TTC23L: variants seen among roughly 807,000 people sequenced by gnomAD.
TTC23L encodes the protein tetratricopeptide repeat domain 23 like, also known as tetratricopeptide repeat protein 23-like.
TTC23L carries 42 observed loss-of-function variants against 48.1 expected under a neutral mutation model. That is an observed-to-expected ratio of 0.87 (90% CI 0.68 to 1.13). The LOEUF (loss-of-function observed/expected upper bound fraction) is 1.13, where lower values mean the gene tolerates loss of function less well. TTC23L is among the 50% of genes most tolerant of loss of function. TTC23L has a pLI of 0.00. For synonymous variants in TTC23L, 159 were observed against 157.2 expected, an observed-to-expected ratio of 1.01 and a Z score of -0.09; for missense variants, 391 against 421.0, an observed-to-expected ratio of 0.93 and a Z score of 0.62.
At chr5:34,869,559 C>T (rs1209956824) in intron 8 of TTC23L, 1 of 162,118 alleles carries the variant, frequency 6.2e-6, no homozygotes, top group African/African-American at 2.4e-5. Flanking sequence ...TTGGGAGAGA[C>T]ACAAATGAAC....
the TTC23L span, chr5:34,919,892 G>T: frequency 9.2e-7 from 1 of 1,081,860 alleles, no homozygotes; most frequent in Non-Finnish European, 1.4e-6. Context: ...AGGTAATTTT[G>T]GAAAGTAATT....
At chr5:34,902,483 CA>C, downstream of TTC23L, 1 of 284,006 alleles carries the variant, frequency 3.5e-6, no homozygotes. Context: ...GTATCACTAT[CA>C]ACATCTATAT....
chr5:34,889,754 T>C (rs1348990420), intron 9 of TTC23L, among the ~76,000 whole-genome samples: 1 of 152,202 alleles, frequency 6.6e-6, no homozygotes, highest in Non-Finnish European at 1.5e-5. Flanking sequence ...TGTAGAAGTT[T>C]TTCCATTTCC....
At chr5:34,916,073 G>C in the TTC23L span, 2 of 677,220 alleles carry the variant, frequency 3.0e-6, no homozygotes, top group South Asian at 6.0e-5. Context: ...TAATCCTTGT[G>C]CACGTGGCCG....
intron 7 of TTC23L, chr5:34,867,977 G>C (rs1761191148): frequency 6.6e-6 from 1 of 152,164 alleles, no homozygotes; most frequent in South Asian, 2.1e-4. Context: ...ATAAATAGCA[G>C]TGTTTCCCAA....
At chr5:34,908,784 A>C in the TTC23L span, 1 of 1,602,808 alleles carries the variant, frequency 6.2e-7, no homozygotes, top group Non-Finnish European at 8.5e-7. Flanking sequence ...AGATTCAGGA[A>C]CTTCTTCATC....
intron 3 of TTC23L, 182 bp downstream of exon 3, chr5:34,845,855 A>G (rs994940208): frequency 1.3e-5 from 8 of 632,766 alleles, no homozygotes; most frequent in Non-Finnish European, 2.1e-5. Context: ...GGTTCCATGC[A>G]TGGTTCATTG....
chr5:34,862,600 C>A (rs189146940), intron 4 of TTC23L, among the ~76,000 whole-genome samples: 2 of 152,156 alleles, frequency 1.3e-5, no homozygotes, highest in Admixed American at 1.3e-4. Flanking sequence ...AACTGAGGTA[C>A]GAAGGCTAAT....
intron 9 of TTC23L, chr5:34,888,506 G>C (rs1762668974): frequency 9.1e-6 from 9 of 985,244 alleles, no homozygotes; most frequent in Non-Finnish European, 1.1e-5. Flanking sequence ...TAGAAGTAGG[G>C]AGACAAAGAG....
At chr5:34,904,545 G>T in the TTC23L span, among the ~76,000 whole-genome samples, 2 of 150,158 alleles carry the variant, frequency 1.3e-5, no homozygotes, top group African/African-American at 4.9e-5. Flanking sequence ...AGTGAACTGA[G>T]ATCGCACCAC....
the TTC23L span, chr5:34,906,390 G>A: frequency 6.6e-6 from 1 of 152,180 alleles, no homozygotes; most frequent in African/African-American, 2.4e-5. Context: ...TGTAATCCCA[G>A]CCCTTTGGGA....
chr5:34,880,067 G>T, intron 8 of TTC23L, 114 bp from the exon 9 acceptor site: 1 of 1,295,616 alleles, frequency 7.7e-7, no homozygotes, highest in Non-Finnish European at 1.1e-6. Flanking sequence ...TATGAGACCT[G>T]GCTTGAGAAC....
chr5:34,852,121 G>C (rs1172160932), intron 4 of TTC23L, among the ~76,000 whole-genome samples: 1 of 152,178 alleles, frequency 6.6e-6, no homozygotes, highest in East Asian at 1.9e-4. Flanking sequence ...CTGGCCTCAA[G>C]TGATCCTCCC....
the TTC23L span, chr5:34,923,131 A>C: frequency 6.2e-7 from 1 of 1,611,180 alleles, no homozygotes; most frequent in African/African-American, 1.3e-5. Context: ...TTTTTTAACT[A>C]GATCTTTAGT....
intron 3 of TTC23L, among the ~76,000 whole-genome samples, chr5:34,847,586 G>A (rs559715140): frequency 5.9e-5 from 9 of 151,858 alleles, no homozygotes; most frequent in East Asian, 1.9e-4. Flanking sequence ...TCTGGAGCCC[G>A]TATTGGTTGT....
chr5:34,855,054 G>C (rs1051805196), intron 4 of TTC23L, among the ~76,000 whole-genome samples: 1 of 152,204 alleles, frequency 6.6e-6, no homozygotes, highest in African/African-American at 2.4e-5. Flanking sequence ...GAAGAGGAAG[G>C]TGTGGGCCAA....
At chr5:34,869,113 T>C in intron 8 of TTC23L, 100 bp downstream of exon 8, 1 of 983,900 alleles carries the variant, frequency 1.0e-6, no homozygotes, top group East Asian at 2.7e-5. Flanking sequence ...TTTATTCCTG[T>C]AATGGAAAAA....
At chr5:34,909,491 C>T in the TTC23L span, 28,560 of 543,112 alleles carry the variant, frequency 0.053, 1,319 homozygotes, top group African/African-American at 0.16. Context: ...TTATAACACA[C>T]GATAACAAGT....
At chr5:34,920,560 T>C in the TTC23L span, 1 of 152,182 alleles carries the variant, frequency 6.6e-6, no homozygotes, top group Non-Finnish European at 1.5e-5. Flanking sequence ...TTATGGAACT[T>C]ACATTCTAAT....
Sources: allele counts gnomAD v4.1 joint callset (sites outside exome capture counted in the v4.1 genomes callset), GRCh38; gene constraint gnomAD v4.1.1; transcripts MANE v1.5; gene names NCBI Gene and HGNC (gene_info 2026-07-23, HGNC 2026-07-21).